The following SPATA6 variants were observed in gnomAD, a reference collection of about 807,000 sequenced individuals.
SPATA6 encodes the protein spermatogenesis-associated protein 6.
A neutral mutation model predicts 65.3 loss-of-function variants in SPATA6; 56 were observed. That is an observed-to-expected ratio of 0.86 (90% CI 0.69 to 1.07). SPATA6 has a LOEUF of 1.07. Ranked by LOEUF, SPATA6 falls within the 50% of genes least tolerant of loss-of-function variation. The probability of loss-of-function intolerance (pLI) is 0.00; values close to 1 mark genes in which losing one functional copy is unlikely to be tolerated. For missense variants in SPATA6, 590 were observed against 594.8 expected (o/e 0.99, Z 0.08); for synonymous variants, 199 against 213.2 (o/e 0.93, Z 0.58).
chr1:48,423,997 A>T (rs1653606115), intron 3 of SPATA6, among the ~76,000 whole-genome samples: 1 of 152,214 alleles, frequency 6.6e-6, no homozygotes, highest in South Asian at 2.1e-4. Flanking sequence ...CCTTTGAGTT[A>T]CAAACAATCC....
chr1:48,360,188 A>G (rs1283122379), intron 9 of SPATA6, among the ~76,000 whole-genome samples: 1 of 152,206 alleles, frequency 6.6e-6, no homozygotes, highest in Non-Finnish European at 1.5e-5. Context: ...GAATGGACAC[A>G]TGAACAAATC....
At chr1:48,398,528 A>T (rs1337252192) in intron 7 of SPATA6, among the ~76,000 whole-genome samples, 1 of 151,742 alleles carries the variant, frequency 6.6e-6, no homozygotes, top group Non-Finnish European at 1.5e-5. Context: ...TATCCCAAAA[A>T]GTTATTTTGC....
chr1:48,302,261 T>C (rs969904498), intron 12 of SPATA6, among the ~76,000 whole-genome samples: 1 of 152,236 alleles, frequency 6.6e-6, no homozygotes, highest in African/African-American at 2.4e-5. Context: ...TTTTCTTACA[T>C]GGATATATTA....
intron 11 of SPATA6, among the ~76,000 whole-genome samples, chr1:48,354,280 C>T (rs1258065435): frequency 3.9e-5 from 6 of 151,986 alleles, no homozygotes; most frequent in East Asian, 1.9e-4. Flanking sequence ...TAGAACTCTC[C>T]CACATTGGTA....
chr1:48,366,393 T>G (rs1372613273), intron 9 of SPATA6, among the ~76,000 whole-genome samples: 2 of 152,214 alleles, frequency 1.3e-5, no homozygotes, highest in Non-Finnish European at 2.9e-5. Context: ...TCCTTGTACC[T>G]CTGGTAGAAT....
chr1:48,459,537 C>T (rs1474432115), intron 1 of SPATA6, among the ~76,000 whole-genome samples: 1 of 151,988 alleles, frequency 6.6e-6, no homozygotes, highest in African/African-American at 2.4e-5. Flanking sequence ...CTTTCAATAA[C>T]TAACAAAAAT....
intron 12 of SPATA6, among the ~76,000 whole-genome samples, chr1:48,302,149 T>G (rs1019635812): frequency 6.6e-6 from 1 of 152,254 alleles, no homozygotes; most frequent in Non-Finnish European, 1.5e-5. Context: ...ACTGATATTG[T>G]GAACTATTTC....
chr1:48,435,098 A>T (rs1327237344), intron 3 of SPATA6, among the ~76,000 whole-genome samples: 1 of 152,102 alleles, frequency 6.6e-6, no homozygotes, highest in Non-Finnish European at 1.5e-5. Context: ...ATAGGGTATG[A>T]AATAGAATTG....
At chr1:48,400,772 C>T in intron 6 of SPATA6, 1 of 1,297,012 alleles carries the variant, frequency 7.7e-7, no homozygotes. Context: ...TTCATACAGA[C>T]CAGTTGCATC....
intron 9 of SPATA6, among the ~76,000 whole-genome samples, chr1:48,367,118 C>G (rs1350964924): frequency 6.6e-6 from 1 of 152,156 alleles, no homozygotes; most frequent in Non-Finnish European, 1.5e-5. Context: ...GAGTGAGTTT[C>G]TTAATCCTGA....
At chr1:48,283,474 A>T in the SPATA6 span, among the ~76,000 whole-genome samples, 38 of 151,344 alleles carry the variant, frequency 2.5e-4, no homozygotes, top group Non-Finnish European at 4.1e-4. Flanking sequence ...AGGTCAAGAG[A>T]TTGAGACCAT....
At chr1:48,444,319 C>G (rs1655805191) in intron 3 of SPATA6, among the ~76,000 whole-genome samples, 1 of 151,780 alleles carries the variant, frequency 6.6e-6, no homozygotes, top group Admixed American at 6.6e-5. Flanking sequence ...AATCAGCACT[C>G]TGTAAAAACG....
chr1:48,331,280 C>T (rs893066851), intron 11 of SPATA6, among the ~76,000 whole-genome samples: 10 of 151,748 alleles, frequency 6.6e-5, no homozygotes, highest in Admixed American at 4.6e-4. Context: ...AAATGAAGAT[C>T]GTCGAGATTC....
At chr1:48,388,961 T>C (rs1204759328) in intron 8 of SPATA6, among the ~76,000 whole-genome samples, 2 of 152,014 alleles carry the variant, frequency 1.3e-5, no homozygotes, top group East Asian at 1.9e-4. Context: ...TCTTTGCTCA[T>C]TGCAATCTCT....
chr1:48,427,621 T>C (rs1052484367), intron 3 of SPATA6, among the ~76,000 whole-genome samples: 4 of 152,114 alleles, frequency 2.6e-5, no homozygotes, highest in African/African-American at 7.2e-5. Flanking sequence ...AAACCAAATT[T>C]TAAAAGTTAA....
chr1:48,438,472 T>C (rs539048715), intron 3 of SPATA6, among the ~76,000 whole-genome samples: 67 of 152,320 alleles, frequency 4.4e-4, no homozygotes, highest in African/African-American at 1.4e-3. Flanking sequence ...CTCTTCAAAG[T>C]TGGCAGCACT....
intron 9 of SPATA6, among the ~76,000 whole-genome samples, chr1:48,364,552 G>C (rs1310972606): frequency 6.6e-6 from 1 of 152,198 alleles, no homozygotes; most frequent in Non-Finnish European, 1.5e-5. Flanking sequence ...CTGATGGCCA[G>C]GGATGATGAG....
At chr1:48,323,176 C>T (rs1048267935) in intron 11 of SPATA6, among the ~76,000 whole-genome samples, 3 of 152,144 alleles carry the variant, frequency 2.0e-5, no homozygotes, top group Non-Finnish European at 1.5e-5. Flanking sequence ...ACCCAAATGC[C>T]CATCAATGAT....
chr1:48,428,891 GTT>G lies in SPATA6; in HGVS notation c.239-15742_239-15741del, dbSNP rs35634677. ...TACACGTGTGTGTGTGTGTGTGTGT[GTT>G]TGTGTGTGTGTGTGACAGATCTATT... On this transcript the variant is annotated intron_variant, in intron 3 of 12. Coordinates refer to ENST00000371847, the MANE Select transcript of SPATA6 (RefSeq NM_019073.4). Among the ~76,000 whole-genome samples, 16 of 145,762 alleles carry G rather than the reference GTT, an allele frequency of 1.1e-4. No individual in the cohort carries two copies. The East Asian group carries it at 2.5e-3, about 23-fold the overall frequency.
Sources: gnomAD v4.1 joint callset for allele counts (sites outside exome capture counted in the v4.1 genomes callset) on GRCh38, gnomAD v4.1.1 for gene constraint, MANE v1.5 for transcripts, NCBI Gene and HGNC (gene_info 2026-07-23, HGNC 2026-07-21) for gene names.